Variants in DBP observed in about 807,000 individuals in gnomAD.
DBP encodes D-box binding PAR bZIP transcription factor, also known as D site-binding protein.
In DBP, 12 loss-of-function variants were observed where a neutral mutation model predicts 21.4. That is an observed-to-expected ratio of 0.56 (90% CI 0.36 to 0.91). The LOEUF is 0.91. Ranked by LOEUF, DBP falls within the 40% of genes least tolerant of loss-of-function variation. The pLI, the probability that DBP is intolerant of heterozygous loss-of-function variation, is 0.01. For synonymous variants in DBP, 213 were observed against 224.9 expected, an observed-to-expected ratio of 0.95 and a Z score of 0.47; for missense variants, 423 against 473.4, an observed-to-expected ratio of 0.89 and a Z score of 0.99.
chr19:48,634,311 G>A (rs527390934), intron 2 of DBP: 3 of 154,132 alleles, frequency 1.9e-5, no homozygotes, highest in Admixed American at 1.3e-4. Context: ...TAAAACCTCA[G>A]GACTTCAGAT....
intron 2 of DBP, chr19:48,633,943 T>C (rs1990121895): frequency 4.7e-6 from 2 of 421,186 alleles, no homozygotes; most frequent in African/African-American, 4.0e-5. Flanking sequence ...TTACTAAAAG[T>C]ACGAAAATTG....
chr19:48,636,760 C>A, intron 1 of DBP, 96 bp downstream of exon 1: 1 of 1,426,542 alleles, frequency 7.0e-7, no homozygotes, highest in East Asian at 2.5e-5. Context: ...AGATGGACTC[C>A]CCGCACGCAG....
rs139841191 is a variant in DBP, at chr19:48,633,456, C to G, written c.750G>C (p.Pro250=). 4.3e-6 allele frequency: 7 copies of G among 1,614,068 alleles called. No individual in the cohort carries two copies. Among genetic ancestry groups the G allele is most frequent in the Non-Finnish European group, 5.9e-6 (7 of 1,180,046 alleles). ...IMKKARKIQV[P]EEQKDEKYWS... The stretch of plus-strand genomic sequence containing the variant: ...CAGCTCTGCTCACCTTCTGCTCCTC[C>G]GGCACCTGGATTTTTCTTGCCTTCT... The change falls in exon 3 of 4, where the codon CCG becomes CCC. Residue 250 remains proline (P), a synonymous_variant. Coordinates refer to ENST00000222122, the MANE Select transcript of DBP (RefSeq NM_001352.5).
chr19:48,630,362 T>C lies in DBP; in HGVS notation c.*475A>G, dbSNP rs1280370533. On this transcript the variant is annotated 3_prime_UTR_variant, in exon 4 of 4. Transcript: ENST00000222122. This position sits in a 1 kb window ranked among gnomAD's most constrained non-coding sequence, Gnocchi z 4.9. ...CCTCCGTCCCCAATCTAAAAAGCAA[T>C]TGAAAAGGTCTATGCAATAAAGGCA... 4.6e-6 allele frequency: 6 copies of C among 1,313,128 alleles called. No homozygotes were observed. Among genetic ancestry groups the C allele is most frequent in the East Asian group, 3.0e-5 (1 of 33,832 alleles). The allele number at this position is 1,313,128 out of a possible 1,614,324, so 81.3% of individuals were successfully genotyped here.
chr19:48,630,574 G>T lies in DBP; in HGVS notation c.*263C>A. The T allele has an allele frequency of 6.5e-7, 1 of 1,535,152 alleles. No individual in the cohort carries two copies. Among genetic ancestry groups the T allele is most frequent in the Non-Finnish European group, 8.7e-7 (1 of 1,146,494 alleles). ...CAACAGCTGGCTCTGGGGTTCTCAA[G>T]ATTTATTCAGGATCGTGTTAACGGA... On this transcript the variant is annotated 3_prime_UTR_variant, in exon 4 of 4. Transcript: ENST00000222122. The surrounding 1 kb of genome is among the most constrained non-coding windows in gnomAD (Gnocchi z 4.9).
In DBP at chr19:48,630,112, T is replaced by G. The variant is rs2030474594; in HGVS notation, c.*725A>C. The stretch of plus-strand genomic sequence containing the variant: ...CTGAGGGCGGAGTCTATTTTACGCG[T>G]CGCCCAATGACAGGACCTGGAATGT... On this transcript the variant is annotated 3_prime_UTR_variant, in exon 4 of 4. Transcript: ENST00000222122. The surrounding 1 kb of genome is among the most constrained non-coding windows in gnomAD (Gnocchi z 4.9). 4 of 1,256,392 alleles carry G rather than the reference T, an allele frequency of 3.2e-6. No homozygotes were observed. The highest frequency in any genetic ancestry group is 4.0e-6 in the Non-Finnish European group (4 of 998,912). 77.8% of individuals were successfully genotyped at this position (1,256,392 alleles called of 1,614,324 possible).
intron 2 of DBP, 71 bp downstream of exon 2, chr19:48,635,509 G>A (rs1379516155): frequency 6.8e-7 from 1 of 1,477,048 alleles, no homozygotes. Flanking sequence ...CCAGCCCCCA[G>A]CGTCGCACAG....
At position 48,637,184 on chromosome 19, in the gene DBP, A is replaced by C; in HGVS notation, c.-190T>G. The C allele has an allele frequency of 2.0e-6, 1 of 509,106 alleles. No individual in the cohort carries two copies. Among genetic ancestry groups the C allele is most frequent in the South Asian group, 3.1e-5 (1 of 32,298 alleles). The allele number at this position is 509,106 out of a possible 1,614,324, so 31.5% of individuals were successfully genotyped here. A position where few individuals can be genotyped will look rare whatever the true frequency, so the allele number is the denominator to read the frequency against. On this transcript the variant is annotated 5_prime_UTR_variant, in exon 1 of 4. Coordinates refer to ENST00000222122, the MANE Select transcript of DBP (RefSeq NM_001352.5). ...GGGATTTGAGGTCCTCGGTGCAGAA[A>C]CGTGCAACTCAAGAGGGTCCCGGGA... is the stretch of plus-strand genomic sequence containing the variant.
chr19:48,632,611 G>A (rs2030641062), intron 3 of DBP: 1 of 152,208 alleles, frequency 6.6e-6, no homozygotes, highest in Admixed American at 6.5e-5. Context: ...CTCTTGCTAG[G>A]GAAGACTCCA....
chr19:48,636,147 G>A (rs961979082), intron 1 of DBP, among the ~76,000 whole-genome samples, 157 bp from the exon 2 acceptor site: 7 of 152,304 alleles, frequency 4.6e-5, no homozygotes, highest in African/African-American at 1.7e-4. Flanking sequence ...CGGAGACGCA[G>A]AGTGGGAGAG....
At position 48,635,694 on chromosome 19, in the gene DBP, G is replaced by A; in HGVS notation, c.436C>T (p.Arg146Trp). ...GGPSPEPSPA[R>W]TPAPSPGPGS... is the part of the protein sequence containing the mutation. ...GGCCCTGGGGAGGGTGCGGGCGTCC[G>A]CGCGGGCGACGGCTCCGGCGACGGG... The change falls in exon 2 of 4, where the codon CGG becomes TGG. Residue 146 changes from arginine to tryptophan, a missense_variant. Physicochemically the swap from Arg to Trp is moderately radical, Grantham distance 101 (BLOSUM62 -3). This residue lies in a region of DBP where 283 missense variants were observed against 273.7 expected (regional missense o/e 1.03). Coordinates refer to ENST00000222122, the MANE Select transcript of DBP (RefSeq NM_001352.5). 2.3e-6 allele frequency: 3 copies of A among 1,321,460 alleles called. No individual in the cohort carries two copies. Among genetic ancestry groups the A allele is most frequent in the South Asian group, 2.2e-5 (1 of 46,206 alleles). The allele number at this position is 1,321,460 out of a possible 1,614,324, so 81.9% of individuals were successfully genotyped here. A position where few individuals can be genotyped will look rare whatever the true frequency, so the allele number is the denominator to read the frequency against.
Position 48,630,811 on chromosome 19 carries a change from C to T in DBP, c.*26G>A. 1.3e-6 allele frequency: 2 copies of T among 1,557,374 alleles called. No homozygotes were observed. Among genetic ancestry groups the T allele is most frequent in the Non-Finnish European group, 1.7e-6 (2 of 1,148,186 alleles). On this transcript the variant is annotated 3_prime_UTR_variant, in exon 4 of 4. Transcript: ENST00000222122. This position sits in a 1 kb window ranked among gnomAD's most constrained non-coding sequence, Gnocchi z 4.9. ...AGTCTCAGCAAGGCGGAGGAGAGCT[C>T]CGCCAGGTGGGGATGTGGGGCAGCC... is the stretch of plus-strand genomic sequence containing the variant.
chr19:48,635,063 G>A, intron 2 of DBP: 1 of 986,882 alleles, frequency 1.0e-6, no homozygotes, highest in Non-Finnish European at 1.2e-6. Flanking sequence ...AGAACTCTGG[G>A]ACCCGGGGCT....
At position 48,635,856 on chromosome 19, in the gene DBP, C is replaced by T; in HGVS notation, c.274G>A (p.Gly92Arg). ...VGGGSPRGRP[G>R]PVPAPGLLAP... ...AACAGACCCGGGGCGGGCACCGGCC[C>T]CGGGCGCCCCCGCGGGGACCCTCCG... is the stretch of plus-strand genomic sequence containing the variant. The change falls in exon 2 of 4, where the codon GGG (glycine) becomes AGG (arginine). Residue 92 changes from glycine to arginine, a missense_variant. Gly to Arg is a moderately radical substitution (Grantham distance 125). Transcript: ENST00000222122. 1 of 1,397,202 alleles carries T rather than the reference C, an allele frequency of 7.2e-7. No individual in the cohort carries two copies. The highest frequency in any genetic ancestry group is 9.2e-7 in the Non-Finnish European group (1 of 1,087,652). 86.6% of individuals were successfully genotyped at this position (1,397,202 alleles called of 1,614,324 possible).
At chr19:48,633,210 A>G (rs2030660284) in intron 3 of DBP, 2 of 614,228 alleles carry the variant, frequency 3.3e-6, no homozygotes, top group Non-Finnish European at 5.8e-6. Flanking sequence ...GCCCCCTAAA[A>G]TGCTGGGATT....
At position 48,635,717 on chromosome 19, in the gene DBP, G is replaced by C; in HGVS notation, c.413C>G (p.Pro138Arg). The C allele has an allele frequency of 1.5e-6, 2 of 1,335,432 alleles. No individual in the cohort carries two copies. Among genetic ancestry groups the C allele is most frequent in the Non-Finnish European group, 1.9e-6 (2 of 1,050,780 alleles). The allele number at this position is 1,335,432 out of a possible 1,614,324, so 82.7% of individuals were successfully genotyped here. ...LPPSPPPPGG[P>R]SPEPSPARTP... ...CCGCGCGGGCGACGGCTCCGGCGAC[G>C]GGCCACCGGGGGGCGGCGGGCTGGG... is the stretch of plus-strand genomic sequence containing the variant. The change falls in exon 2 of 4, where the codon CCG becomes CGG. Residue 138 changes from proline (P) to arginine (R), a missense_variant. Physicochemically the swap from Pro to Arg is moderately radical, Grantham distance 103. Transcript: ENST00000222122.
rs781464070 is a variant in DBP at position 48,633,441 on chromosome 19, C to A, written c.762+3G>T. ...TCTATCTCCCACATCCAGCTCTGCT[C>A]ACCTTCTGCTCCTCCGGCACCTGGA... On this transcript the variant is annotated splice_donor_region_variant and intron_variant, in intron 3 of 3. Transcript: ENST00000222122. 6.2e-7 allele frequency: 1 copy of A among 1,614,162 alleles called. No individual in the cohort carries two copies. Among genetic ancestry groups the A allele is most frequent in the Non-Finnish European group, 8.5e-7 (1 of 1,180,004 alleles).
chr19:48,635,657 C>T lies in DBP; in HGVS notation c.473G>A (p.Gly158Asp), dbSNP rs1275006456. ...PAPSPGPGSC[G>D]SASPRSSPGH... ...AGGAGAGGAGCGGGGGGAAGCCGAG[C>T]CGCACGAACCCGGCCCTGGGGAGGG... Residue 158 changes from glycine to aspartate, a missense_variant, in exon 2 of 4, where the codon GGC becomes GAC. Physicochemically the swap from Gly to Asp is moderately conservative, Grantham distance 94. Around this residue, in one of 4 missense-constraint regions of DBP, gnomAD observed 283 missense variants for 273.7 expected, o/e 1.03. Coordinates refer to ENST00000222122, the MANE Select transcript of DBP (RefSeq NM_001352.5). 5 of 1,313,330 alleles carry T rather than the reference C, an allele frequency of 3.8e-6. No homozygotes were observed. The highest frequency in any genetic ancestry group is 4.8e-6 in the Non-Finnish European group (5 of 1,038,124). The allele number at this position is 1,313,330 out of a possible 1,614,324, so 81.4% of individuals were successfully genotyped here. A position where few individuals can be genotyped will look rare whatever the true frequency, so the allele number is the denominator to read the frequency against.
At chr19:48,634,670 A>C in intron 2 of DBP, 1 of 984,850 alleles carries the variant, frequency 1.0e-6, no homozygotes, top group Non-Finnish European at 1.2e-6. Flanking sequence ...CGCCTGCGCG[A>C]AGCGCGGAGG....
Sources: allele counts gnomAD v4.1 joint callset (sites outside exome capture counted in the v4.1 genomes callset), GRCh38; gene constraint gnomAD v4.1.1; regional missense constraint gnomAD v4.1.1; non-coding constraint Gnocchi (gnomAD v3.1); transcripts MANE v1.5; gene names NCBI Gene and HGNC (gene_info 2026-07-23, HGNC 2026-07-21).